COL4A6: variants seen among roughly 807,000 people sequenced by gnomAD.
COL4A6 encodes collagen alpha-6(IV) chain.
In COL4A6, 59 loss-of-function variants were observed where a neutral mutation model predicts 126.7. The observed-to-expected ratio is 0.47, with a 90% CI of 0.38 to 0.58. The LOEUF is 0.58. Among genes scored for constraint, COL4A6 ranks in the 20% least tolerant of loss-of-function variants. COL4A6 has a pLI of 0.00. For missense variants in COL4A6, 1,285 were observed against 1,337.3 expected (o/e 0.96, Z 0.61); for synonymous variants, 547 against 496.6 (o/e 1.10, Z -1.35).
chrX:108,198,563 C>A (rs1040295753), intron 13 of COL4A6, among the ~76,000 whole-genome samples: 7 of 111,606 alleles, frequency 6.3e-5, no homozygotes, highest in Non-Finnish European at 1.1e-4. Flanking sequence ...AATAGGGAGG[C>A]ACTGTACAGG....
intron 2 of COL4A6, among the ~76,000 whole-genome samples, chrX:108,335,054 T>C (rs149187216): frequency 1.2e-3 from 137 of 112,212 alleles, no homozygotes; most frequent in African/African-American, 3.9e-3. Context: ...TTACAGAGTC[T>C]TGAACAGCTT....
chrX:108,317,084 G>A (rs557553618), intron 2 of COL4A6, among the ~76,000 whole-genome samples: 9 of 112,408 alleles, frequency 8.0e-5, no homozygotes, highest in Middle Eastern at 9.1e-3. Flanking sequence ...AGGCTGTTGC[G>A]GTAGTTCAGC....
chrX:108,188,552 C>T lies in COL4A6; in HGVS notation c.1552G>A (p.Gly518Ser), dbSNP rs767259303. Residue 518 changes from glycine (G) to serine (S), a missense_variant, in exon 21 of 45, where the codon GGC becomes AGC. Gly to Ser is a moderately conservative substitution (Grantham distance 56, BLOSUM62 0). Coordinates refer to ENST00000334504, the MANE Select transcript of COL4A6 (RefSeq NM_033641.4). ...PGLKGARGDR[G>S]SGGAQGPAGA... Reference sequence around the variant, plus strand: ...GCTGGGCCCTGTGCACCCCCAGAGCCTCGATCTCCTCTGGCTCCTTTAAGG... The same window carrying T: ...GCTGGGCCCTGTGCACCCCCAGAGCTTCGATCTCCTCTGGCTCCTTTAAGG... 8.5e-7 allele frequency: 1 copy of T among 1,176,226 alleles called. No homozygotes were observed. Among genetic ancestry groups the T allele is most frequent in the Admixed American group, 2.4e-5 (1 of 41,551 alleles).
intron 2 of COL4A6, among the ~76,000 whole-genome samples, chrX:108,368,813 AG>A (rs1038156370): frequency 9.0e-6 from 1 of 111,319 alleles, no homozygotes; most frequent in African/African-American, 3.3e-5. Flanking sequence ...AGGCTTACAC[AG>A]GGTCAGGATC....
intron 2 of COL4A6, among the ~76,000 whole-genome samples, chrX:108,436,866 G>T (rs1228781805): frequency 9.0e-6 from 1 of 111,233 alleles, no homozygotes; most frequent in Non-Finnish European, 1.9e-5. Context: ...AACACATTGG[G>T]TGATTTATTA....
chrX:108,251,252 AAACT>A (rs778713046), intron 3 of COL4A6, among the ~76,000 whole-genome samples: 1 of 111,997 alleles, frequency 8.9e-6, no homozygotes, highest in African/African-American at 3.2e-5. Context: ...GCTATCAATC[AAACT>A]GATTCCCTAA....
intron 2 of COL4A6, among the ~76,000 whole-genome samples, chrX:108,325,754 G>A (rs1297815362): frequency 9.1e-6 from 1 of 109,723 alleles, no homozygotes; most frequent in Non-Finnish European, 1.9e-5. Context: ...ATGGTAGTTC[G>A]GTTTAACATC....
intron 23 of COL4A6, among the ~76,000 whole-genome samples, chrX:108,182,040 T>G (rs778272005): frequency 8.9e-6 from 1 of 112,346 alleles, no homozygotes; most frequent in South Asian, 3.7e-4. Flanking sequence ...CCCACTTCTA[T>G]TTTCTTAAAT....
At chrX:108,281,496 G>C (rs2037825581) in intron 3 of COL4A6, among the ~76,000 whole-genome samples, 1 of 106,216 alleles carries the variant, frequency 9.4e-6, no homozygotes, top group African/African-American at 3.4e-5. Flanking sequence ...AAATAAAAGA[G>C]GACACAAACA....
intron 2 of COL4A6, among the ~76,000 whole-genome samples, chrX:108,335,516 G>A (rs1393352714): frequency 9.0e-6 from 1 of 111,571 alleles, no homozygotes; most frequent in African/African-American, 3.3e-5. Flanking sequence ...AAGACACACA[G>A]GCTTTTGAGA....
At chrX:108,353,910 TG>T (rs2039897300) in intron 2 of COL4A6, among the ~76,000 whole-genome samples, 1 of 112,251 alleles carries the variant, frequency 8.9e-6, no homozygotes, top group African/African-American at 3.2e-5. Flanking sequence ...CCTAGCACTT[TG>T]GGAGGCTGAG....
intron 3 of COL4A6, among the ~76,000 whole-genome samples, chrX:108,246,097 A>C (rs1207446099): frequency 1.8e-5 from 2 of 111,803 alleles, no homozygotes; most frequent in African/African-American, 6.5e-5. Context: ...TAATTGCTCC[A>C]TCTCCATTTT....
chrX:108,377,941 CAAAAAAAAAA>C (rs745969449), intron 2 of COL4A6, among the ~76,000 whole-genome samples: 4 of 7,245 alleles, frequency 5.5e-4, no homozygotes, highest in Non-Finnish European at 1.2e-3. Context: ...GACTCCGTCT[CAAAAAAAAAA>C]AAAAAAAAAA....
At chrX:108,385,161 T>C (rs753451599) in intron 2 of COL4A6, among the ~76,000 whole-genome samples, 6 of 109,858 alleles carry the variant, frequency 5.5e-5, no homozygotes, top group Non-Finnish European at 1.1e-4. Flanking sequence ...GTTTTGTAGT[T>C]TTCCAACTAA....
intron 28 of COL4A6, among the ~76,000 whole-genome samples, chrX:108,176,603 C>G (rs1221198909): frequency 9.0e-6 from 1 of 111,607 alleles, no homozygotes; most frequent in Non-Finnish European, 1.9e-5. Context: ...TGGTACTGCC[C>G]AGGGTTTTGC....
intron 2 of COL4A6, among the ~76,000 whole-genome samples, chrX:108,406,527 G>T (rs1320923147): frequency 9.3e-6 from 1 of 106,967 alleles, no homozygotes; most frequent in Admixed American, 9.7e-5. Context: ...TTTTTCATCA[G>T]TTTCTACCTG....
chrX:108,400,001 T>G (rs1421169407), intron 2 of COL4A6, among the ~76,000 whole-genome samples: 1 of 111,679 alleles, frequency 9.0e-6, no homozygotes, highest in African/African-American at 3.3e-5. Flanking sequence ...GCTTTATGAT[T>G]TCTATCAGAC....
rs556745789 is a variant in COL4A6, at chrX:108,344,202, T to A, written c.64-33374A>T. On this transcript the variant is annotated intron_variant, in intron 2 of 44. Coordinates refer to ENST00000334504, the MANE Select transcript of COL4A6 (RefSeq NM_033641.4). ...CCTCGAAACACCCCAAACATTAGTT[T>A]CCACTGAGAATGTACTTAAAGGCAA... Among the ~76,000 whole-genome samples, 16 of 111,266 alleles carry A rather than the reference T, an allele frequency of 1.4e-4. No individual in the cohort carries two copies. The South Asian group carries it at 5.5e-3, about 38-fold the overall frequency.
At chrX:108,352,146 G>A (rs917729963) in intron 2 of COL4A6, among the ~76,000 whole-genome samples, 1 of 112,552 alleles carries the variant, frequency 8.9e-6, no homozygotes, top group Non-Finnish European at 1.9e-5. Flanking sequence ...GTTGTGAAGT[G>A]CGTGTGCACC....
Sources: allele counts gnomAD v4.1 joint callset (sites outside exome capture counted in the v4.1 genomes callset), GRCh38; gene constraint gnomAD v4.1.1; transcripts MANE v1.5; gene names NCBI Gene and HGNC (gene_info 2026-07-23, HGNC 2026-07-21).